The following DSG3 variants were observed in gnomAD, a reference collection of about 807,000 sequenced individuals.
DSG3 encodes the protein desmoglein 3.
Under a neutral mutation model 85.9 loss-of-function variants are expected in DSG3, and 63 were observed. That is an observed-to-expected ratio of 0.73 (90% CI 0.60 to 0.90). DSG3 has a LOEUF of 0.90. Among genes scored for constraint, DSG3 ranks in the 40% least tolerant of loss-of-function variants. DSG3 has a pLI of 0.00. For missense variants in DSG3, 1,220 were observed against 1,219.9 expected, an observed-to-expected ratio of 1.00 and a Z score of 0.00; for synonymous variants, 447 against 441.9, an observed-to-expected ratio of 1.01 and a Z score of -0.14.
chr18:31,472,425 T>C lies in DSG3; in HGVS notation c.2037+2T>C. On this transcript the variant is annotated splice_donor_variant, in intron 13 of 15. Coordinates refer to ENST00000257189, the MANE Select transcript of DSG3 (RefSeq NM_001944.3). LOFTEE classifies it high-confidence loss of function. ...GAAGGAGCCCATCCTGAAGACAAGG[T>C]AAGCATCCAGTTCATAAATTATGTA... is the stretch of plus-strand genomic sequence containing the variant. 6.2e-7 allele frequency: 1 copy of C among 1,610,210 alleles called. No individual in the cohort carries two copies. Among genetic ancestry groups the C allele is most frequent in the Non-Finnish European group, 8.5e-7 (1 of 1,178,922 alleles).
Position 31,469,179 on chromosome 18 carries a change from G to A in DSG3, c.1727G>A (p.Cys576Tyr). 1 of 1,614,188 alleles carries A rather than the reference G, an allele frequency of 6.2e-7. No homozygotes were observed. Among genetic ancestry groups the A allele is most frequent in the Non-Finnish European group, 8.5e-7 (1 of 1,180,046 alleles). ...LVLTDSQNNRCEMPRSLTLEV... is the reference protein window; with the variant it reads ...LVLTDSQNNRYEMPRSLTLEV... ...CTTACAGACAGTCAGAACAATCGGTGTGAGATGCCACGCAGCTTGACACTG... is the reference window on the plus strand; with the variant it reads ...CTTACAGACAGTCAGAACAATCGGTATGAGATGCCACGCAGCTTGACACTG... The change falls in exon 12 of 16, where the codon TGT (cysteine) becomes TAT (tyrosine). Residue 576 changes from cysteine to tyrosine, a missense_variant. Physicochemically the swap from Cys to Tyr is radical, Grantham distance 194. Transcript: ENST00000257189.
chr18:31,473,279 C>G (rs1194407688), intron 14 of DSG3, among the ~76,000 whole-genome samples: 1 of 152,200 alleles, frequency 6.6e-6, no homozygotes, highest in African/African-American at 2.4e-5. Flanking sequence ...AGTTCAATTA[C>G]TAATTCCTGC....
At chr18:31,459,579 G>A (rs552593563) in intron 5 of DSG3, among the ~76,000 whole-genome samples, 7 of 152,160 alleles carry the variant, frequency 4.6e-5, no homozygotes, top group African/African-American at 1.7e-4. Context: ...ATCTATCAAG[G>A]GAGAAAATTG....
Position 31,466,742 on chromosome 18 carries a change from A to G in DSG3, c.1624A>G (p.Thr542Ala). Residue 542 changes from threonine to alanine, a missense_variant, in exon 11 of 16, where the codon ACA becomes GCA. Thr to Ala is a moderately conservative substitution (Grantham distance 58, BLOSUM62 0). Coordinates refer to ENST00000257189, the MANE Select transcript of DSG3 (RefSeq NM_001944.3). The part of the protein sequence containing the change: ...PVKLPAVWSI[T>A]TLNATSALLR... The stretch of plus-strand genomic sequence containing the variant: ...AAAGTTGCCTGCCGTATGGAGTATC[A>G]CAACCCTCAATGGTGAGTAACAGTA... 1 of 1,614,028 alleles carries G rather than the reference A, an allele frequency of 6.2e-7. No individual in the cohort carries two copies. Among genetic ancestry groups the G allele is most frequent in the African/African-American group, 1.3e-5 (1 of 75,066 alleles).
In DSG3 at chr18:31,459,086, A is replaced by G. The variant is rs751677861; in HGVS notation, c.426A>G (p.Ile142Met). Residue 142 changes from isoleucine to methionine, a missense_variant, in exon 5 of 16, where the codon ATA becomes ATG. Coordinates refer to ENST00000257189, the MANE Select transcript of DSG3 (RefSeq NM_001944.3). ...GACTAGATGTAGAGAAACCACTTAT[A>G]CTAACGGTTAAAATTTTGGATATTA... The part of the protein sequence containing the change: ...AQGLDVEKPL[I>M]LTVKILDIND... 4.3e-6 allele frequency: 7 copies of G among 1,613,772 alleles called. No homozygotes were observed. Among genetic ancestry groups the G allele is most frequent in the Non-Finnish European group, 5.9e-6 (7 of 1,179,930 alleles).
chr18:31,461,102 A>G, intron 7 of DSG3, 125 bp from the exon 8 acceptor site: 1 of 1,239,480 alleles, frequency 8.1e-7, no homozygotes, highest in Non-Finnish European at 1.1e-6. Context: ...AAAAAATATA[A>G]GAATTCAGTA....
At position 31,459,169 on chromosome 18, in the gene DSG3, G is replaced by A; in HGVS notation, c.509G>A (p.Ser170Asn). 1 of 1,611,692 alleles carries A rather than the reference G, an allele frequency of 6.2e-7. No individual in the cohort carries two copies. The highest frequency in any genetic ancestry group is 1.1e-5 in the South Asian group (1 of 90,736). The change falls in exon 5 of 16, where the codon AGT becomes AAT. Residue 170 changes from serine (S) to asparagine (N), a missense_variant. Coordinates refer to ENST00000257189, the MANE Select transcript of DSG3 (RefSeq NM_001944.3). Reference sequence around the variant, plus strand: ...TTCATGGGTGAAATTGAAGAAAATAGTGCCTCAAGTAAGTCTTTTACAGTA... The same window carrying A: ...TTCATGGGTGAAATTGAAGAAAATAATGCCTCAAGTAAGTCTTTTACAGTA... The part of the protein sequence containing the change: ...QIFMGEIEEN[S>N]ASNSLVMILN...
At chr18:31,464,018 T>G in intron 8 of DSG3, 93 bp from the exon 9 acceptor site, 2 of 1,174,842 alleles carry the variant, frequency 1.7e-6, no homozygotes, top group Non-Finnish European at 2.4e-6. Context: ...GAGAATTCAT[T>G]CACAGCATCT....
chr18:31,461,717 A>T (rs191243909), intron 8 of DSG3, among the ~76,000 whole-genome samples: 18 of 152,208 alleles, frequency 1.2e-4, no homozygotes, highest in Admixed American at 1.2e-3. Flanking sequence ...CTTTAAGCAC[A>T]AGAAAGCAAA....
At chr18:31,474,947 C>A (rs1210777127) in intron 15 of DSG3, among the ~76,000 whole-genome samples, 2 of 152,002 alleles carry the variant, frequency 1.3e-5, no homozygotes, top group Admixed American at 6.6e-5. Context: ...AAAGGATATC[C>A]AAATACCTGT....
intron 5 of DSG3, 57 bp from the exon 6 acceptor site, chr18:31,459,787 AG>A: frequency 6.8e-7 from 1 of 1,464,722 alleles, no homozygotes; most frequent in Non-Finnish European, 9.2e-7. Context: ...GAATATTTAA[AG>A]TAAACATAAT....
At chr18:31,456,893 T>G (rs984973530) in intron 2 of DSG3, 100 bp from the exon 3 acceptor site, 1 of 1,264,922 alleles carries the variant, frequency 7.9e-7, no homozygotes, top group Non-Finnish European at 1.1e-6. Flanking sequence ...CTTAGTGATC[T>G]TGAAACATAG....
Position 31,460,970 on chromosome 18 carries a change from A to G in DSG3, c.813+9A>G. The stretch of plus-strand genomic sequence containing the variant: ...TGTTTAGAGACTCTCAGGTACACCC[A>G]TTGCTCCTTAAAGAATCATTTAGAT... On this transcript the variant is annotated intron_variant, in intron 7 of 15. Transcript: ENST00000257189. The G allele has an allele frequency of 1.3e-6, 2 of 1,575,180 alleles. No homozygotes were observed. The highest frequency in any genetic ancestry group is 1.7e-6 in the Non-Finnish European group (2 of 1,169,388).
chr18:31,473,390 T>A (rs1298201848), intron 14 of DSG3, among the ~76,000 whole-genome samples: 2 of 152,228 alleles, frequency 1.3e-5, no homozygotes. Flanking sequence ...TGCATTAATA[T>A]TATCTGAGTG....
chr18:31,465,776 G>A (rs192138942), intron 10 of DSG3, among the ~76,000 whole-genome samples: 3 of 152,290 alleles, frequency 2.0e-5, no homozygotes, highest in Admixed American at 2.0e-4. Flanking sequence ...GCGCATCAGG[G>A]AATCTCAACT....
intron 4 of DSG3, 43 bp from the exon 5 acceptor site, chr18:31,458,990 A>G (rs779958141): frequency 6.2e-7 from 1 of 1,600,816 alleles, no homozygotes; most frequent in Non-Finnish European, 8.5e-7. Flanking sequence ...TAGTATGAAA[A>G]CTGATTGCAG....
intron 5 of DSG3, 34 bp from the exon 6 acceptor site, chr18:31,459,811 A>G (rs758082840): frequency 4.5e-6 from 7 of 1,561,100 alleles, no homozygotes; most frequent in Admixed American, 1.8e-5. Context: ...TAATTGTTAC[A>G]TATTCTTTAA....
At chr18:31,457,588 CTTT>C (rs2072755548) in intron 3 of DSG3, among the ~76,000 whole-genome samples, 2 of 35,546 alleles carry the variant, frequency 5.6e-5, no homozygotes, top group African/African-American at 1.1e-4. Flanking sequence ...TTTCTTTCTT[CTTT>C]CTTTCTTTCT....
rs184857075 is a variant in DSG3, at chr18:31,475,900, G to T, written c.2640G>T (p.Gly880=). The change falls in exon 16 of 16, where the codon GGG becomes GGT. Residue 880 remains glycine, a synonymous_variant. Coordinates refer to ENST00000257189, the MANE Select transcript of DSG3 (RefSeq NM_001944.3). ...CACCCTCTAAAGACAGCGGTTATGG[G>T]ATTGAATCCTGTGGCCATCCCATAG... ...VQPPSKDSGY[G]IESCGHPIEV... 1.7e-5 allele frequency: 28 copies of T among 1,614,182 alleles called. No homozygotes were observed. Among genetic ancestry groups the T allele is most frequent in the Admixed American group, 1.3e-4 (8 of 60,026 alleles).
Sources: gnomAD v4.1 joint callset for allele counts (sites outside exome capture counted in the v4.1 genomes callset) on GRCh38, gnomAD v4.1.1 for gene constraint, MANE v1.5 for transcripts, NCBI Gene and HGNC (gene_info 2026-07-23, HGNC 2026-07-21) for gene names.